STARD13: variants seen among roughly 807,000 people sequenced by gnomAD.
The protein encoded by STARD13 is StAR related lipid transfer domain containing 13, also known as stAR-related lipid transfer protein 13.
STARD13 carries 62 observed loss-of-function variants against 106.4 expected under a neutral mutation model. That is an observed-to-expected ratio of 0.58 (90% CI 0.48 to 0.72). The LOEUF is 0.72. STARD13 is among the 30% of genes least tolerant of loss of function. STARD13 has a pLI of 0.00. For synonymous variants in STARD13, 565 were observed against 553.0 expected, an observed-to-expected ratio of 1.02 and a Z score of -0.31; for missense variants, 1,387 against 1,424.0, an observed-to-expected ratio of 0.97 and a Z score of 0.42.
rs139904084 is a variant in STARD13 at position 33,203,171 on chromosome 13, C to CGAG, written c.170-35552_170-35550dup. On this transcript the variant is annotated intron_variant, in intron 1 of 13. Transcript: ENST00000336934. ...CGTGGCTCCCAAGGCTGCCATATTT[C>CGAG]GAGATTCTAGGGGCCACCACACACC... Among the ~76,000 whole-genome samples, 1,071 of 152,264 alleles carry CGAG rather than the reference C, an allele frequency of 7.0e-3. 9 individuals are homozygous for CGAG. Among genetic ancestry groups the CGAG allele is most frequent in the African/African-American group, 0.025 (1,033 of 41,552 alleles).
At chr13:33,662,939 T>C in the STARD13 span, among the ~76,000 whole-genome samples, 1 of 152,246 alleles carries the variant, frequency 6.6e-6, no homozygotes, top group Non-Finnish European at 1.5e-5. Context: ...CTGTTTTCTT[T>C]ATAAACTTAG....
chr13:33,462,819 C>A, the STARD13 span, among the ~76,000 whole-genome samples: 1 of 152,156 alleles, frequency 6.6e-6, no homozygotes, highest in South Asian at 2.1e-4. Flanking sequence ...AGGGTGGGTC[C>A]ACCTCTCCTA....
At chr13:33,124,752 T>C (rs1452879637) in intron 7 of STARD13, among the ~76,000 whole-genome samples, 3 of 152,068 alleles carry the variant, frequency 2.0e-5, no homozygotes, top group African/African-American at 7.2e-5. Flanking sequence ...GTAACGAGAT[T>C]CATTGGCTGA....
At chr13:33,121,434 G>C (rs1252150910) in intron 7 of STARD13, among the ~76,000 whole-genome samples, 2 of 151,866 alleles carry the variant, frequency 1.3e-5, no homozygotes, top group Non-Finnish European at 2.9e-5. Flanking sequence ...CAGGAGTGGT[G>C]GTGGGTGCCT....
chr13:33,323,798 A>G (rs1262127057), intron 1 of STARD13, among the ~76,000 whole-genome samples: 1 of 152,206 alleles, frequency 6.6e-6, no homozygotes, highest in Non-Finnish European at 1.5e-5. Context: ...GGCTCAGGTA[A>G]GAAACGCCAA....
chr13:33,279,837 A>T (rs1046015971), intron 1 of STARD13: 2 of 152,154 alleles, frequency 1.3e-5, no homozygotes, highest in African/African-American at 2.4e-5. Flanking sequence ...AAGTTAGTTA[A>T]TTTAATTCAC....
intron 1 of STARD13, among the ~76,000 whole-genome samples, chr13:33,191,340 G>T (rs1020643449): frequency 2.0e-5 from 3 of 152,162 alleles, no homozygotes; most frequent in Admixed American, 1.3e-4. Flanking sequence ...ATGACCTTGG[G>T]CACAAAACTT....
chr13:33,492,070 C>T, the STARD13 span, among the ~76,000 whole-genome samples: 1 of 152,060 alleles, frequency 6.6e-6, no homozygotes, highest in Non-Finnish European at 1.5e-5. Flanking sequence ...TCACAAGGTG[C>T]TCAGTAAGGG....
At chr13:33,112,989 G>T in intron 8 of STARD13, 58 bp from the exon 9 acceptor site, 1 of 1,357,060 alleles carries the variant, frequency 7.4e-7, no homozygotes. Flanking sequence ...AGCCAGCTGG[G>T]AAGCACTGTG....
At chr13:33,107,308 C>A (rs2138053644) in intron 12 of STARD13, among the ~76,000 whole-genome samples, 1 of 152,248 alleles carries the variant, frequency 6.6e-6, no homozygotes, top group East Asian at 1.9e-4. Flanking sequence ...GATAGACATG[C>A]CAGTCTCTGA....
the STARD13 span, among the ~76,000 whole-genome samples, chr13:33,444,001 A>G: frequency 6.6e-6 from 1 of 152,176 alleles, no homozygotes. Flanking sequence ...ATACTCACCT[A>G]ATAATCCTGA....
the STARD13 span, among the ~76,000 whole-genome samples, chr13:33,625,942 C>T: frequency 0.02 from 3,063 of 152,188 alleles, 106 homozygotes; most frequent in African/African-American, 0.069. Context: ...CCTCGTGATC[C>T]GTGTGCCTTG....
At chr13:33,257,093 T>C (rs1328659122) in intron 1 of STARD13, among the ~76,000 whole-genome samples, 1 of 152,180 alleles carries the variant, frequency 6.6e-6, no homozygotes, top group African/African-American at 2.4e-5. Flanking sequence ...AACTTGTTGA[T>C]TGGAAGAGAT....
At chr13:33,223,335 C>A (rs1888453732) in intron 1 of STARD13, among the ~76,000 whole-genome samples, 1 of 152,164 alleles carries the variant, frequency 6.6e-6, no homozygotes, top group Non-Finnish European at 1.5e-5. Context: ...ATGTAAGACA[C>A]TTCTGGTTGT....
chr13:33,417,766 A>G, the STARD13 span, among the ~76,000 whole-genome samples: 1 of 152,260 alleles, frequency 6.6e-6, no homozygotes, highest in East Asian at 1.9e-4. Flanking sequence ...ACTAGGAGGT[A>G]AGACTGGGGG....
At chr13:33,676,233 A>G in the STARD13 span, among the ~76,000 whole-genome samples, 1 of 152,302 alleles carries the variant, frequency 6.6e-6, no homozygotes, top group African/African-American at 2.4e-5. Context: ...GCAAGCAGGA[A>G]GCGACATTCA....
chr13:33,522,961 T>G, the STARD13 span, among the ~76,000 whole-genome samples: 135 of 152,292 alleles, frequency 8.9e-4, 1 homozygote, highest in African/African-American at 3.0e-3. Flanking sequence ...CTTAGCATTG[T>G]GCGTGGAACA....
intron 1 of STARD13, among the ~76,000 whole-genome samples, chr13:33,219,166 G>A (rs997891014): frequency 6.6e-6 from 1 of 152,024 alleles, no homozygotes; most frequent in Admixed American, 6.6e-5. Flanking sequence ...TGAGGGAGAC[G>A]GTCACCATGC....
the STARD13 span, among the ~76,000 whole-genome samples, chr13:33,382,446 G>T: frequency 6.6e-6 from 1 of 152,052 alleles, no homozygotes; most frequent in African/African-American, 2.4e-5. Flanking sequence ...TTCCTACTTA[G>T]CATTGATATC....
Sources: gnomAD v4.1 joint callset for allele counts (sites outside exome capture counted in the v4.1 genomes callset) on GRCh38, gnomAD v4.1.1 for gene constraint, MANE v1.5 for transcripts, NCBI Gene and HGNC (gene_info 2026-07-23, HGNC 2026-07-21) for gene names.